Variants in CCDC40 observed in about 807,000 individuals in gnomAD.
CCDC40 encodes coiled-coil domain-containing protein 40.
A neutral mutation model predicts 124.5 loss-of-function variants in CCDC40; 104 were observed. The ratio of observed to expected loss-of-function variants is 0.84; its 90% confidence interval spans 0.71 to 0.98. The LOEUF is 0.98. CCDC40 is among the 50% of genes least tolerant of loss of function. The pLI, the probability that CCDC40 is intolerant of heterozygous loss-of-function variation, is 0.00. For missense variants in CCDC40, 1,463 were observed against 1,503.9 expected (o/e 0.97, Z 0.45); for synonymous variants, 580 against 602.9 (o/e 0.96, Z 0.56).
In CCDC40 at chr17:80,055,997, TATA is replaced by T. The variant is rs2037728579; in HGVS notation, c.1160-2496_1160-2494del. On this transcript the variant is annotated intron_variant, in intron 7 of 19. Coordinates refer to ENST00000397545, the MANE Select transcript of CCDC40 (RefSeq NM_017950.4). ...GCTAATTTTCATATATATATATATA[TATA>T]TATATATATATATATATTTTTTTTT... Among the ~76,000 whole-genome samples, 15 of 11,918 alleles carry T rather than the reference TATA, an allele frequency of 1.3e-3. 1 individual carries two copies. The highest frequency in any genetic ancestry group is 4.3e-3 in the South Asian group (2 of 466). 7.8% of individuals were successfully genotyped at this position (11,918 alleles called of 152,430 possible). A position where few individuals can be genotyped will look rare whatever the true frequency, so the allele number is the denominator to read the frequency against.
intron 12 of CCDC40, among the ~76,000 whole-genome samples, chr17:80,083,091 TA>T (rs1445635059): frequency 2.1e-5 from 3 of 146,132 alleles, no homozygotes; most frequent in African/African-American, 7.6e-5. Context: ...TGTAGATGCC[TA>T]GGGGGAGCCA....
intron 17 of CCDC40, among the ~76,000 whole-genome samples, chr17:80,091,800 C>T (rs1183591761): frequency 6.6e-6 from 1 of 151,956 alleles, no homozygotes; most frequent in African/African-American, 2.4e-5. Flanking sequence ...ACTATGTTCC[C>T]AAAGGTGAGA....
At chr17:80,065,986 C>T (rs909538032) in intron 10 of CCDC40, 3 of 650,094 alleles carry the variant, frequency 4.6e-6, no homozygotes, top group Non-Finnish European at 5.6e-6. Context: ...GGCTGCATTC[C>T]AACCGAAATC....
At chr17:80,060,711 G>T (rs2037874233) in intron 9 of CCDC40, among the ~76,000 whole-genome samples, 2 of 152,044 alleles carry the variant, frequency 1.3e-5, no homozygotes, top group Non-Finnish European at 2.9e-5. Flanking sequence ...AAACCGTAAA[G>T]TTCTAGAGGC....
At chr17:80,041,501 C>G (rs540332081) in intron 3 of CCDC40, among the ~76,000 whole-genome samples, 3 of 141,058 alleles carry the variant, frequency 2.1e-5, no homozygotes, top group African/African-American at 8.5e-5. Flanking sequence ...GAGCGAGACT[C>G]TGTCTCAAAA....
chr17:80,053,234 A>G (rs777721533), intron 7 of CCDC40, among the ~76,000 whole-genome samples: 2 of 152,256 alleles, frequency 1.3e-5, no homozygotes, highest in Admixed American at 1.3e-4. Context: ...CTCCGCAGAC[A>G]TAGCTGGTGG....
In CCDC40 at chr17:80,063,245, G is replaced by A. The variant is rs199668000; in HGVS notation, c.1441-2240G>A. ...GAAACAATATATAGAATTTGATTTC[G>A]CACACACACACAATCACAGGTGTAA... On this transcript the variant is annotated intron_variant, in intron 9 of 19. Transcript: ENST00000397545. Among the ~76,000 whole-genome samples, 8 of 151,888 alleles carry A rather than the reference G, an allele frequency of 5.3e-5. No homozygotes were observed. The East Asian group carries it at 5.8e-4, about 11-fold the overall frequency.
Position 80,068,000 on chromosome 17 carries a change from C to T in CCDC40, c.1562+2394C>T, listed in dbSNP as rs1370362051. ...TCACCTGCAGCTTGCCACACCAAGG[C>T]CCCGGGGAGGAGTGAGGCCCAACTT... On this transcript the variant is annotated intron_variant, in intron 10 of 19. Transcript: ENST00000397545. 6.6e-6 allele frequency: 7 copies of T among 1,061,148 alleles called. No homozygotes were observed. The East Asian group carries it at 3.7e-4, about 56-fold the overall frequency. 65.7% of individuals were successfully genotyped at this position (1,061,148 alleles called of 1,614,324 possible). A position where few individuals can be genotyped will look rare whatever the true frequency, so the allele number is the denominator to read the frequency against.
intron 2 of CCDC40, among the ~76,000 whole-genome samples, chr17:80,038,809 C>T (rs916190305): frequency 6.6e-6 from 1 of 151,424 alleles, no homozygotes; most frequent in Non-Finnish European, 1.5e-5. Flanking sequence ...GGCGACAGAG[C>T]GAGACTCCAT....
chr17:80,078,432 A>G (rs972535536), intron 10 of CCDC40, among the ~76,000 whole-genome samples: 1 of 151,862 alleles, frequency 6.6e-6, no homozygotes, highest in Non-Finnish European at 1.5e-5. Context: ...GCTTTTAGGC[A>G]TCTGGTCCAT....
Position 80,036,809 on chromosome 17 carries a change from C to T in CCDC40, c.29+118C>T, listed in dbSNP as rs181824359. 2.1e-3 allele frequency: 2,039 copies of T among 958,044 alleles called. 3 individuals are homozygous for T. The highest frequency in any genetic ancestry group is 7.1e-3 in the Middle Eastern group (33 of 4,630). 59.3% of individuals were successfully genotyped at this position (958,044 alleles called of 1,614,324 possible). ...GCCCCTTCGCCTCCACTCCCCCTTC[C>T]TCTCGCCTGTGTCCCTTCTCTCGCC... On this transcript the variant is annotated intron_variant, in intron 1 of 19. Coordinates refer to ENST00000397545, the MANE Select transcript of CCDC40 (RefSeq NM_017950.4).
At chr17:80,093,167 TACG>T (rs1567815761) in intron 17 of CCDC40, among the ~76,000 whole-genome samples, 1 of 152,218 alleles carries the variant, frequency 6.6e-6, no homozygotes, top group East Asian at 1.9e-4. Flanking sequence ...ACTCTATACT[TACG>T]AAATTCCTCC....
At position 80,058,582 on chromosome 17, in the gene CCDC40, C is replaced by T. The variant is rs375199947; in HGVS notation, c.1248C>T (p.Arg416=). 2.2e-4 allele frequency: 354 copies of T among 1,614,118 alleles called. 1 individual carries two copies. Among genetic ancestry groups the T allele is most frequent in the Middle Eastern group, 9.9e-4 (6 of 6,062 alleles). ...NIDQDMRDDI[R]VMTQVVKKAE... Reference sequence around the variant, plus strand: ...ACCAGGACATGCGTGACGACATCCGCGTGATGACACAAGTGGTAAAGAAGG... The same window carrying T: ...ACCAGGACATGCGTGACGACATCCGTGTGATGACACAAGTGGTAAAGAAGG... The change falls in exon 8 of 20, where the codon CGC becomes CGT. Residue 416 remains arginine, a synonymous_variant. Coordinates refer to ENST00000397545, the MANE Select transcript of CCDC40 (RefSeq NM_017950.4). This position sits in a 1 kb window ranked among gnomAD's most constrained non-coding sequence, Gnocchi z 4.2.
rs1218976136 is a variant in CCDC40 at position 80,081,940 on chromosome 17, T to C, written c.1871T>C (p.Leu624Pro). Residue 624 changes from leucine to proline, a missense_variant, in exon 12 of 20, where the codon CTC becomes CCC. Coordinates refer to ENST00000397545, the MANE Select transcript of CCDC40 (RefSeq NM_017950.4). Reference sequence around the variant, plus strand: ...CAAGCCATCCAGGGCGAGCTGGAGCTCAGGAGGAAGACGGATGCTGCCATC... The same window carrying C: ...CAAGCCATCCAGGGCGAGCTGGAGCCCAGGAGGAAGACGGATGCTGCCATC... ...IRQAIQGELE[L>P]RRKTDAAIRE... 6.2e-7 allele frequency: 1 copy of C among 1,613,822 alleles called. No individual in the cohort carries two copies. Among genetic ancestry groups the C allele is most frequent in the Non-Finnish European group, 8.5e-7 (1 of 1,179,920 alleles).
In CCDC40 at chr17:80,050,719, C is replaced by T. The variant is rs1188967252; in HGVS notation, c.1159+436C>T. 2.6e-5 allele frequency among the ~76,000 whole-genome samples: 4 copies of T among 152,248 alleles called. No homozygotes were observed. In the East Asian group the frequency reaches 7.7e-4, roughly 29 times the overall value. ...TCGGCCTCCCAAAATGCTGGGATTA[C>T]AGGCATGAGACACTGCACCCGGTTA... On this transcript the variant is annotated intron_variant, in intron 7 of 19. Coordinates refer to ENST00000397545, the MANE Select transcript of CCDC40 (RefSeq NM_017950.4).
At chr17:80,097,181 ACT>A in intron 18 of CCDC40, 62 bp from the exon 19 acceptor site, 1 of 1,576,488 alleles carries the variant, frequency 6.3e-7, no homozygotes, top group Admixed American at 1.7e-5. Flanking sequence ...TCCCAGCCTG[ACT>A]CTTCCCTGTC....
At chr17:80,037,717 A>ATATATATATATG (rs1254082523) in intron 1 of CCDC40, among the ~76,000 whole-genome samples, 1 of 142,998 alleles carries the variant, frequency 7.0e-6, no homozygotes, top group Non-Finnish European at 1.5e-5. Context: ...ATATATATAT[A>ATATATATATATG]TATTCCTGTG....
intron 17 of CCDC40, chr17:80,090,317 CGGGACGCGCGCAGGCACG>C: frequency 1.7e-6 from 2 of 1,152,522 alleles, no homozygotes; most frequent in East Asian, 2.9e-5. Context: ...ACGAACAACA[CGGGACGCGCGCAGGCACG>C]TGCACGAACA....
chr17:80,097,693 C>T (rs922264309), intron 19 of CCDC40: 2 of 436,616 alleles, frequency 4.6e-6, no homozygotes, highest in Non-Finnish European at 8.4e-6. Flanking sequence ...TTAGAGGTTA[C>T]CTCCTGGGGC....
Sources: gnomAD v4.1 joint callset for allele counts (sites outside exome capture counted in the v4.1 genomes callset) on GRCh38, gnomAD v4.1.1 for gene constraint, Gnocchi (gnomAD v3.1) non-coding constraint, MANE v1.5 for transcripts, NCBI Gene and HGNC (gene_info 2026-07-23, HGNC 2026-07-21) for gene names.